Variants in RAB22A observed in about 807,000 individuals in gnomAD.
RAB22A encodes ras-related protein Rab-22A.
Under a neutral mutation model 30.2 loss-of-function variants are expected in RAB22A, and 13 were observed. The observed-to-expected ratio is 0.43, with a 90% confidence interval of 0.28 to 0.68. The LOEUF is 0.68. Among genes scored for constraint, RAB22A ranks in the 30% least tolerant of loss-of-function variants. RAB22A has a pLI of 0.18. For synonymous variants in RAB22A, 89 were observed against 87.2 expected, an observed-to-expected ratio of 1.02 and a Z score of -0.11; for missense variants, 177 against 246.8, an observed-to-expected ratio of 0.72 and a Z score of 1.89.
intron 2 of RAB22A, among the ~76,000 whole-genome samples, chr20:58,343,305 T>C (rs1241948017): frequency 6.6e-6 from 1 of 152,266 alleles, no homozygotes; most frequent in South Asian, 2.1e-4. Flanking sequence ...GGTTTGGGAA[T>C]TGGGGGAGGA....
intron 3 of RAB22A, among the ~76,000 whole-genome samples, chr20:58,347,391 G>A (rs1192796213): frequency 6.6e-6 from 1 of 152,206 alleles, no homozygotes; most frequent in Non-Finnish European, 1.5e-5. Context: ...TACTGCTCAG[G>A]ATGATGATAT....
intron 2 of RAB22A, among the ~76,000 whole-genome samples, chr20:58,315,956 G>A (rs185770034): frequency 3.2e-4 from 48 of 152,220 alleles, no homozygotes; most frequent in Middle Eastern, 3.4e-3. Context: ...CCCGGGCCCA[G>A]CCTCATCTCT....
intron 2 of RAB22A, among the ~76,000 whole-genome samples, chr20:58,323,990 T>G (rs1193630950): frequency 1.3e-5 from 2 of 152,168 alleles, no homozygotes; most frequent in African/African-American, 4.8e-5. Context: ...TAATTAGTTA[T>G]TATTTTTTAG....
At chr20:58,344,832 G>A (rs1244208138) in intron 3 of RAB22A, among the ~76,000 whole-genome samples, 2 of 152,190 alleles carry the variant, frequency 1.3e-5, no homozygotes, top group Non-Finnish European at 1.5e-5. Context: ...ATTTGTACAG[G>A]TTTAATGTCT....
intron 3 of RAB22A, among the ~76,000 whole-genome samples, 168 bp downstream of exon 3, chr20:58,343,967 G>T (rs1251232076): frequency 6.6e-6 from 1 of 152,120 alleles, no homozygotes; most frequent in East Asian, 1.9e-4. Flanking sequence ...TTCAATTAGA[G>T]CCACAGAGTC....
intron 2 of RAB22A, among the ~76,000 whole-genome samples, chr20:58,315,561 C>T (rs201645918): frequency 1.3e-5 from 2 of 151,746 alleles, no homozygotes; most frequent in Admixed American, 1.3e-4. Flanking sequence ...GAGGTTGGGG[C>T]GGGGGGTCAT....
intron 2 of RAB22A, among the ~76,000 whole-genome samples, chr20:58,324,612 T>G (rs1440841518): frequency 6.6e-6 from 1 of 152,222 alleles, no homozygotes; most frequent in Non-Finnish European, 1.5e-5. Flanking sequence ...CTCACGCCTG[T>G]AATCCCAGCA....
rs1246421462 is a variant in RAB22A at position 58,325,977 on chromosome 20, T to A, written c.116+14855T>A. ...ATGGTTGTAAATTTATTTCTCCTTT[T>A]CATTCTATCACTTTTGCTTTATTTT... On this transcript the variant is annotated intron_variant, in intron 2 of 6. Coordinates refer to ENST00000244040, the MANE Select transcript of RAB22A (RefSeq NM_020673.3). Among the ~76,000 whole-genome samples the A allele has an allele frequency of 2.6e-5, 4 of 152,358 alleles. No homozygotes were observed. In the East Asian group the frequency reaches 5.8e-4, roughly 22 times the overall value.
chr20:58,310,119 C>G (rs1246394852), intron 1 of RAB22A, 107 bp downstream of exon 1: 2 of 1,118,190 alleles, frequency 1.8e-6, no homozygotes, highest in South Asian at 9.2e-5. Flanking sequence ...GTCCAAGACG[C>G]TGTCTGCCAG....
At chr20:58,329,293 T>C (rs1986623672) in intron 2 of RAB22A, among the ~76,000 whole-genome samples, 2 of 152,200 alleles carry the variant, frequency 1.3e-5, no homozygotes, top group African/African-American at 4.8e-5. Context: ...GACCTCGTGA[T>C]CTGCCTGCCT....
chr20:58,347,958 G>A lies in RAB22A; in HGVS notation c.198+4159G>A, dbSNP rs148676417. Among the ~76,000 whole-genome samples the A allele has an allele frequency of 1.5e-3, 231 of 152,332 alleles. 4 individuals are homozygous for A. In the East Asian group the frequency reaches 0.039, roughly 26 times the overall value. ...AGAAAGCTTCTTGGCCAGGCATAGT[G>A]GCTCACGCCTGTAATCCCAGCACTT... is the stretch of plus-strand genomic sequence containing the variant. On this transcript the variant is annotated intron_variant, in intron 3 of 6. Coordinates refer to ENST00000244040, the MANE Select transcript of RAB22A (RefSeq NM_020673.3).
In RAB22A at chr20:58,311,123, G is replaced by GGTTGGTTGATGA; in HGVS notation, c.116+1_116+2insGTTGGTTGATGA. 1 of 1,574,756 alleles carries GGTTGGTTGATGA rather than the reference G, an allele frequency of 6.4e-7. No homozygotes were observed. The highest frequency in any genetic ancestry group is 8.7e-7 in the Non-Finnish European group (1 of 1,144,190). ...ATCCAAACATCAACCCAACAATAGG[G>GGTTGGTTGATGA]TAAGAGACTTTTATTTGATACACAT... is the stretch of plus-strand genomic sequence containing the variant. On this transcript the variant is annotated splice_donor_variant, in intron 2 of 6. Transcript: ENST00000244040. LOFTEE classifies it high-confidence loss of function.
chr20:58,325,533 A>G (rs1346430346), intron 2 of RAB22A, among the ~76,000 whole-genome samples: 1 of 151,262 alleles, frequency 6.6e-6, no homozygotes, highest in African/African-American at 2.4e-5. Context: ...AGTTTTTTTT[A>G]TAGATCATTT....
intron 3 of RAB22A, among the ~76,000 whole-genome samples, chr20:58,344,660 A>G (rs888091603): frequency 5.9e-5 from 9 of 152,248 alleles, no homozygotes; most frequent in Non-Finnish European, 1.0e-4. Flanking sequence ...TTAAGCTCTT[A>G]AAAGTGTACC....
At chr20:58,330,354 C>A (rs962499907) in intron 2 of RAB22A, among the ~76,000 whole-genome samples, 2 of 152,134 alleles carry the variant, frequency 1.3e-5, no homozygotes, top group African/African-American at 4.8e-5. Flanking sequence ...ATATGACTTT[C>A]TTTAAGTCTA....
At chr20:58,357,692 G>T in intron 6 of RAB22A, among the ~76,000 whole-genome samples, 1 of 152,184 alleles carries the variant, frequency 6.6e-6, no homozygotes, top group East Asian at 1.9e-4. Flanking sequence ...CTTGGGTAAA[G>T]CTTTTAAACA....
rs1385066808 is a variant in RAB22A at position 58,339,764 on chromosome 20, G to C, written c.117-3954G>C. On this transcript the variant is annotated intron_variant, in intron 2 of 6. Coordinates refer to ENST00000244040, the MANE Select transcript of RAB22A (RefSeq NM_020673.3). ...GGAAATAACGCCCTATTTTCACCAT[G>C]TTGGGCAGGAAGGGTGATGAAGTAT... is the stretch of plus-strand genomic sequence containing the variant. 3.3e-5 allele frequency among the ~76,000 whole-genome samples: 5 copies of C among 152,166 alleles called. No individual in the cohort carries two copies. In the East Asian group the frequency reaches 9.6e-4, roughly 29 times the overall value.
chr20:58,347,417 T>C (rs562839418), intron 3 of RAB22A, among the ~76,000 whole-genome samples: 2 of 152,322 alleles, frequency 1.3e-5, no homozygotes, highest in Admixed American at 1.3e-4. Context: ...CTTCAGAAGA[T>C]AATGGTTTGT....
In RAB22A at chr20:58,364,989, C is replaced by T. The variant is rs758338537; in HGVS notation, c.*5286C>T. ...ACCTCAGGTGATCTGCTTGCCTCGG[C>T]TTCGCAACATTCTGGGATTACAGAC... On this transcript the variant is annotated 3_prime_UTR_variant, in exon 7 of 7. Coordinates refer to ENST00000244040, the MANE Select transcript of RAB22A (RefSeq NM_020673.3). The T allele has an allele frequency of 2.6e-5, 4 of 152,162 alleles. No individual in the cohort carries two copies. Among genetic ancestry groups the T allele is most frequent in the Non-Finnish European group, 4.4e-5 (3 of 68,020 alleles). 9.4% of individuals were successfully genotyped at this position (152,162 alleles called of 1,614,324 possible). A position where few individuals can be genotyped will look rare whatever the true frequency, so the allele number is the denominator to read the frequency against.
Sources: gnomAD v4.1 joint callset for allele counts (sites outside exome capture counted in the v4.1 genomes callset) on GRCh38, gnomAD v4.1.1 for gene constraint, MANE v1.5 for transcripts, NCBI Gene and HGNC (gene_info 2026-07-23, HGNC 2026-07-21) for gene names.